EXO1: variants seen among roughly 807,000 people sequenced by gnomAD.
The protein encoded by EXO1 is exonuclease 1.
A neutral mutation model predicts 84.5 loss-of-function variants in EXO1; 69 were observed. The observed-to-expected ratio is 0.82, with a 90% CI of 0.67 to 1.00. The LOEUF is 1.00. Ranked by LOEUF, EXO1 falls within the 50% of genes least tolerant of loss-of-function variation. The probability of loss-of-function intolerance (pLI) is 0.00; values close to 1 mark genes in which losing one functional copy is unlikely to be tolerated. For synonymous variants in EXO1, 373 were observed against 366.1 expected (o/e 1.02, Z -0.21); for missense variants, 1,045 against 1,000.7 (o/e 1.04, Z -0.60).
At chr1:241,878,025 G>A (rs1370045497) in intron 12 of EXO1, among the ~76,000 whole-genome samples, 3 of 152,184 alleles carry the variant, frequency 2.0e-5, no homozygotes, top group African/African-American at 7.2e-5. Context: ...GTTTGACCAT[G>A]TTTTAGCCCC....
rs746449658 is a variant in EXO1, at chr1:241,872,171, CAAA to C, written c.1410_1412del (p.Lys471del). The C allele has an allele frequency of 6.2e-7, 1 of 1,613,888 alleles. No individual in the cohort carries two copies. The highest frequency in any genetic ancestry group is 1.6e-4 in the Middle Eastern group (1 of 6,062). ...CTGACCTGGTAAATGGACCTACTAA[CAAA>C]AAGAGTGTAAGCACTCCACCTAGGA... On this transcript the variant is annotated inframe_deletion, in exon 12 of 16. Coordinates refer to ENST00000366548, the MANE Select transcript of EXO1 (RefSeq NM_130398.4).
intron 10 of EXO1, among the ~76,000 whole-genome samples, chr1:241,863,606 C>T (rs1414306877): frequency 2.6e-5 from 4 of 151,918 alleles, no homozygotes; most frequent in Non-Finnish European, 1.5e-5. Context: ...GAAAAGTAAC[C>T]ATTACTGTAA....
chr1:241,853,186 C>T (rs1453064174), intron 5 of EXO1, among the ~76,000 whole-genome samples, 172 bp from the exon 6 acceptor site: 2 of 152,002 alleles, frequency 1.3e-5, no homozygotes, highest in Non-Finnish European at 2.9e-5. Flanking sequence ...TTCTTTTTGC[C>T]TTAGAAGCCT....
At position 241,884,674 on chromosome 1, in the gene EXO1, T is replaced by TGTGTGTGTGTGTGCAC. The variant is rs67560872; in HGVS notation, c.2212-637_2212-636insTGTGTGTGTGCACGTG. On this transcript the variant is annotated intron_variant, in intron 14 of 15. Transcript: ENST00000366548. The stretch of plus-strand genomic sequence containing the variant: ...GTGTGTGTGTGTGTGTGTGTGTGTG[T>TGTGTGTGTGTGTGCAC]GTGCACGTGCACGTAAGTCAGTGGA... 7.8e-4 allele frequency among the ~76,000 whole-genome samples: 117 copies of TGTGTGTGTGTGTGCAC among 149,694 alleles called. 1 individual carries two copies. The highest frequency in any genetic ancestry group is 2.7e-3 in the African/African-American group (110 of 40,646).
intron 3 of EXO1, among the ~76,000 whole-genome samples, chr1:241,849,436 G>C (rs1417099425): frequency 6.6e-6 from 1 of 152,122 alleles, no homozygotes; most frequent in African/African-American, 2.4e-5. Context: ...GGAATGGAAG[G>C]GGGTGGAAAG....
At chr1:241,854,112 C>T (rs1660819615) in intron 6 of EXO1, among the ~76,000 whole-genome samples, 1 of 152,040 alleles carries the variant, frequency 6.6e-6, no homozygotes, top group African/African-American at 2.4e-5. Context: ...TTAGAGCCTG[C>T]TTGGTTAAGG....
chr1:241,873,359 A>T (rs937485352), intron 12 of EXO1, among the ~76,000 whole-genome samples: 1 of 152,196 alleles, frequency 6.6e-6, no homozygotes, highest in Non-Finnish European at 1.5e-5. Context: ...GTATTGTCTT[A>T]GTTCTGACAT....
intron 10 of EXO1, 148 bp from the exon 11 acceptor site, chr1:241,866,682 G>A (rs1169588970): frequency 1.7e-5 from 12 of 692,386 alleles, no homozygotes; most frequent in Non-Finnish European, 2.8e-5. Flanking sequence ...AGCAAAGTAG[G>A]AAATGTTATT....
chr1:241,868,061 T>C (rs1244669462), intron 11 of EXO1, among the ~76,000 whole-genome samples: 1 of 151,858 alleles, frequency 6.6e-6, no homozygotes, highest in African/African-American at 2.4e-5. Flanking sequence ...GGCAACACAC[T>C]GAGACCCTGT....
At chr1:241,856,061 C>T (rs1326422913) in intron 6 of EXO1, among the ~76,000 whole-genome samples, 1 of 152,204 alleles carries the variant, frequency 6.6e-6, no homozygotes, top group Non-Finnish European at 1.5e-5. Flanking sequence ...TCAAGTGCCG[C>T]CAAAGTGGGA....
chr1:241,853,869 G>A (rs1660800619), intron 6 of EXO1, among the ~76,000 whole-genome samples: 1 of 152,006 alleles, frequency 6.6e-6, no homozygotes, highest in African/African-American at 2.4e-5. Context: ...AAAAAATGAA[G>A]AGATGGAAGG....
Position 241,850,576 on chromosome 1 carries a change from C to T in EXO1, c.151C>T (p.Pro51Ser), listed in dbSNP as rs906793729. 1.2e-6 allele frequency: 2 copies of T among 1,613,462 alleles called. No individual in the cohort carries two copies. The highest frequency in any genetic ancestry group is 1.3e-5 in the African/African-American group (1 of 74,922). ...ACAEKLAKGEPTDRYVGFCMK... is the reference protein window; with the variant it reads ...ACAEKLAKGESTDRYVGFCMK... ...TGCTGAAAAACTAGCCAAAGGTGAA[C>T]CTACTGATAGGTAAGTCTGGACCTT... is the stretch of plus-strand genomic sequence containing the variant. The change falls in exon 4 of 16, where the codon CCT becomes TCT. Residue 51 changes from proline to serine, a missense_variant. Transcript: ENST00000366548.
chr1:241,882,802 AT>A (rs775979669), intron 14 of EXO1, among the ~76,000 whole-genome samples: 3 of 152,192 alleles, frequency 2.0e-5, no homozygotes, highest in Non-Finnish European at 2.9e-5. Context: ...TTTCAAAAAA[AT>A]GTTTTTAATT....
intron 8 of EXO1, among the ~76,000 whole-genome samples, chr1:241,859,121 TGA>T (rs569957023): frequency 3.3e-5 from 5 of 152,366 alleles, no homozygotes; most frequent in African/African-American, 7.2e-5. Context: ...CGATAGCTAT[TGA>T]TATTTACTGA....
At chr1:241,867,168 G>T in intron 11 of EXO1, 113 bp downstream of exon 11, 1 of 793,812 alleles carries the variant, frequency 1.3e-6, no homozygotes. Context: ...AAGTTTTATA[G>T]TTGTATTAGT....
intron 13 of EXO1, among the ~76,000 whole-genome samples, chr1:241,879,822 T>C (rs181866784): frequency 8.1e-4 from 123 of 152,112 alleles, no homozygotes; most frequent in African/African-American, 2.8e-3. Context: ...CTGGCCAGCA[T>C]GGTGAAACCC....
intron 12 of EXO1, among the ~76,000 whole-genome samples, 163 bp downstream of exon 12, chr1:241,872,441 A>G (rs577800070): frequency 2.1e-3 from 314 of 151,888 alleles, no homozygotes; most frequent in African/African-American, 7.3e-3. Flanking sequence ...TGCCATGGTG[A>G]TTTGCTGCAC....
chr1:241,857,881 T>C (rs1047049351), intron 7 of EXO1, among the ~76,000 whole-genome samples: 1 of 152,214 alleles, frequency 6.6e-6, no homozygotes, highest in Non-Finnish European at 1.5e-5. Context: ...TACTAACTTA[T>C]GTACTAAAGG....
chr1:241,872,017 T>A lies in EXO1; in HGVS notation c.1268-15T>A, dbSNP rs772341373. 1 of 1,609,730 alleles carries A rather than the reference T, an allele frequency of 6.2e-7. No homozygotes were observed. Among genetic ancestry groups the A allele is most frequent in the Non-Finnish European group, 8.5e-7 (1 of 1,176,508 alleles). ...GGTGAAACAAAGATTTACAGATAAT[T>A]TTGTTTTTATTTAGCAGAGCTGTCA... On this transcript the variant is annotated splice_polypyrimidine_tract_variant and intron_variant, in intron 11 of 15. Coordinates refer to ENST00000366548, the MANE Select transcript of EXO1 (RefSeq NM_130398.4).
Sources: gnomAD v4.1 joint callset for allele counts (sites outside exome capture counted in the v4.1 genomes callset) on GRCh38, gnomAD v4.1.1 for gene constraint, MANE v1.5 for transcripts, NCBI Gene and HGNC (gene_info 2026-07-23, HGNC 2026-07-21) for gene names.